The following SLC5A3 variants were observed in gnomAD, a reference collection of about 807,000 sequenced individuals.
SLC5A3 encodes solute carrier family 5 member 3, also known as sodium/myo-inositol cotransporter.
A neutral mutation model predicts 43.2 loss-of-function variants in SLC5A3; 10 were observed. That is an observed-to-expected ratio of 0.23 (90% CI 0.14 to 0.39). The LOEUF (loss-of-function observed/expected upper bound fraction) is 0.39, where lower values mean the gene tolerates loss of function less well. Ranked by LOEUF, SLC5A3 falls within the 10% of genes least tolerant of loss-of-function variation. SLC5A3 has a pLI of 1.00. For synonymous variants in SLC5A3, 349 were observed against 322.0 expected, an observed-to-expected ratio of 1.08 and a Z score of -0.90; for missense variants, 608 against 893.4, an observed-to-expected ratio of 0.68 and a Z score of 4.07.
At position 34,104,902 on chromosome 21, in the gene SLC5A3, G is replaced by T. The variant is rs1056887404; in HGVS notation, c.*7547G>T. 4.0e-6 allele frequency: 4 copies of T among 1,000,058 alleles called. No individual in the cohort carries two copies. Among genetic ancestry groups the T allele is most frequent in the Non-Finnish European group, 4.8e-6 (4 of 829,922 alleles). The allele number at this position is 1,000,058 out of a possible 1,614,324, so 61.9% of individuals were successfully genotyped here. ...TTCTGGAGATTTCTTTGGCAGAAAT[G>T]CCTTTCATCTATAATTTCATGGAGA... On this transcript the variant is annotated 3_prime_UTR_variant, in exon 2 of 2. Transcript: ENST00000381151.
chr21:34,095,763 G>T lies in SLC5A3; in HGVS notation c.565G>T (p.Ala189Ser), dbSNP rs755580854. 1 of 1,613,976 alleles carries T rather than the reference G, an allele frequency of 6.2e-7. No individual in the cohort carries two copies. Among genetic ancestry groups the T allele is most frequent in the Non-Finnish European group, 8.5e-7 (1 of 1,179,980 alleles). ...AGTGATCTACACAGACACTCTGCAG[G>T]CTCTGCTCATGATCATTGGGGCACT... ...VAVIYTDTLQ[A>S]LLMIIGALTL... Residue 189 changes from alanine (A) to serine (S), a missense_variant, in exon 2 of 2, where the codon GCT becomes TCT. Physicochemically the swap from Ala to Ser is moderately conservative, Grantham distance 99. Coordinates refer to ENST00000381151, the MANE Select transcript of SLC5A3 (RefSeq NM_006933.7).
chr21:34,082,829 C>T (rs1200694812), intron 1 of SLC5A3, among the ~76,000 whole-genome samples: 1 of 152,046 alleles, frequency 6.6e-6, no homozygotes, highest in African/African-American at 2.4e-5. Flanking sequence ...CGTTTTGGCC[C>T]AAGGTGTAAT....
chr21:34,091,146 T>A (rs1978662946), intron 1 of SLC5A3, among the ~76,000 whole-genome samples: 1 of 152,192 alleles, frequency 6.6e-6, no homozygotes, highest in Non-Finnish European at 1.5e-5. Flanking sequence ...ATTGACAGAG[T>A]GCTGGACTAG....
At chr21:34,083,007 C>T (rs2148654100) in intron 1 of SLC5A3, among the ~76,000 whole-genome samples, 1 of 152,264 alleles carries the variant, frequency 6.6e-6, no homozygotes, top group South Asian at 2.1e-4. Context: ...TTTATTGGAG[C>T]CCTCAATCCT....
At chr21:34,073,872 C>A (rs1989251726) in intron 1 of SLC5A3, 127 bp downstream of exon 1, 1 of 437,760 alleles carries the variant, frequency 2.3e-6, no homozygotes. Flanking sequence ...GAGGCCGGGG[C>A]GGCGGGCGGG....
At chr21:34,092,107 C>A (rs976576644) in intron 1 of SLC5A3, among the ~76,000 whole-genome samples, 4 of 133,834 alleles carry the variant, frequency 3.0e-5, no homozygotes, top group African/African-American at 7.8e-5. Context: ...ATGTTAACTT[C>A]TTTAAAAGGA....
In SLC5A3 at chr21:34,100,820, G is replaced by A. The variant is rs1187702523; in HGVS notation, c.*3465G>A. ...CCCCTCTGACTTTGAATATCATTTGGTGTGGCCTGTGGGTTATTTTCATTC... is the reference window on the plus strand; with the variant it reads ...CCCCTCTGACTTTGAATATCATTTGATGTGGCCTGTGGGTTATTTTCATTC... On this transcript the variant is annotated 3_prime_UTR_variant, in exon 2 of 2. Transcript: ENST00000381151. The A allele has an allele frequency of 2.0e-6, 2 of 1,000,066 alleles. No homozygotes were observed. The highest frequency in any genetic ancestry group is 3.5e-5 in the African/African-American group (2 of 57,176). The allele number at this position is 1,000,066 out of a possible 1,614,324, so 61.9% of individuals were successfully genotyped here.
Position 34,100,471 on chromosome 21 carries a change from AT to A in SLC5A3, c.*3117del. 2 of 1,000,206 alleles carry A rather than the reference AT, an allele frequency of 2.0e-6. No individual in the cohort carries two copies. The highest frequency in any genetic ancestry group is 2.4e-6 in the Non-Finnish European group (2 of 829,938). The allele number at this position is 1,000,206 out of a possible 1,614,324, so 62.0% of individuals were successfully genotyped here. A position where few individuals can be genotyped will look rare whatever the true frequency, so the allele number is the denominator to read the frequency against. ...ATTAGAGAAGCATCAAGCAATAGCA[AT>A]GGTGCTGTGTCCTTCGGCCTAAATT... On this transcript the variant is annotated 3_prime_UTR_variant, in exon 2 of 2. Coordinates refer to ENST00000381151, the MANE Select transcript of SLC5A3 (RefSeq NM_006933.7).
chr21:34,080,950 A>G (rs1377958837), intron 1 of SLC5A3, among the ~76,000 whole-genome samples: 1 of 152,198 alleles, frequency 6.6e-6, no homozygotes, highest in Non-Finnish European at 1.5e-5. Flanking sequence ...AGACTGTTTT[A>G]TGACAGGTAA....
chr21:34,099,288 C>T lies in SLC5A3; in HGVS notation c.*1933C>T, dbSNP rs567855907. 6 of 1,000,076 alleles carry T rather than the reference C, an allele frequency of 6.0e-6. No individual in the cohort carries two copies. Among genetic ancestry groups the T allele is most frequent in the Non-Finnish European group, 7.2e-6 (6 of 829,980 alleles). The allele number at this position is 1,000,076 out of a possible 1,614,324, so 62.0% of individuals were successfully genotyped here. A position where few individuals can be genotyped will look rare whatever the true frequency, so the allele number is the denominator to read the frequency against. ...TTTGGAAGTTGAGGCTGCGACATGTCCAAGGTTATGAAGTCTCTTTTGGGA... is the reference window on the plus strand; with the variant it reads ...TTTGGAAGTTGAGGCTGCGACATGTTCAAGGTTATGAAGTCTCTTTTGGGA... On this transcript the variant is annotated 3_prime_UTR_variant, in exon 2 of 2. Coordinates refer to ENST00000381151, the MANE Select transcript of SLC5A3 (RefSeq NM_006933.7).
chr21:34,089,548 G>T (rs1978574481), intron 1 of SLC5A3, among the ~76,000 whole-genome samples: 1 of 152,074 alleles, frequency 6.6e-6, no homozygotes, highest in Non-Finnish European at 1.5e-5. Context: ...TATATCTTGG[G>T]CGGAGTGTAT....
At chr21:34,086,008 A>G (rs1296487891) in intron 1 of SLC5A3, among the ~76,000 whole-genome samples, 2 of 152,206 alleles carry the variant, frequency 1.3e-5, no homozygotes, top group East Asian at 1.9e-4. Flanking sequence ...GTGTCTGTCT[A>G]CAGTTCTGGT....
chr21:34,105,415 G>T lies in SLC5A3; in HGVS notation c.*8060G>T. The T allele has an allele frequency of 2.0e-6, 2 of 998,494 alleles. No individual in the cohort carries two copies. The highest frequency in any genetic ancestry group is 4.7e-5 in the South Asian group (1 of 21,256). 61.9% of individuals were successfully genotyped at this position (998,494 alleles called of 1,614,324 possible). On this transcript the variant is annotated 3_prime_UTR_variant, in exon 2 of 2. Transcript: ENST00000381151. ...TTTTCTAATAATATCCTGTGAAATT[G>T]CTTCATTCATTCATTTATTTTTAAG... is the stretch of plus-strand genomic sequence containing the variant.
intron 1 of SLC5A3, among the ~76,000 whole-genome samples, chr21:34,094,215 G>A (rs1346670772): frequency 2.0e-5 from 3 of 152,102 alleles, no homozygotes; most frequent in African/African-American, 7.2e-5. Flanking sequence ...GTGGAATGTC[G>A]TGTTTCCCAT....
At position 34,105,731 on chromosome 21, in the gene SLC5A3, C is replaced by G. The variant is rs1240175469; in HGVS notation, c.*8376C>G. 1.0e-6 allele frequency: 1 copy of G among 997,902 alleles called. No individual in the cohort carries two copies. The highest frequency in any genetic ancestry group is 1.7e-5 in the African/African-American group (1 of 57,304). The allele number at this position is 997,902 out of a possible 1,614,324, so 61.8% of individuals were successfully genotyped here. On this transcript the variant is annotated 3_prime_UTR_variant, in exon 2 of 2. Coordinates refer to ENST00000381151, the MANE Select transcript of SLC5A3 (RefSeq NM_006933.7). ...TGTAAATGGATTTCCAGTTTACCTT[C>G]TGTTGTCTACAGCTTTTTTAATTTT... is the stretch of plus-strand genomic sequence containing the variant.
At chr21:34,086,214 T>G (rs1008489342) in intron 1 of SLC5A3, among the ~76,000 whole-genome samples, 4 of 151,778 alleles carry the variant, frequency 2.6e-5, no homozygotes, top group East Asian at 3.8e-4. Flanking sequence ...ATTCAGGTTT[T>G]GTTTTGTTTT....
rs751642021 is a variant in SLC5A3 at position 34,096,485 on chromosome 21, C to A, written c.1287C>A (p.Ile429=). The A allele has an allele frequency of 4.3e-6, 7 of 1,614,158 alleles. No individual in the cohort carries two copies. The highest frequency in any genetic ancestry group is 5.9e-6 in the Non-Finnish European group (7 of 1,180,024). ...TCAGCATAGCATGGGTGCCAATCAT[C>A]GTGGAGATGCAAGGAGGCCAGATGT... ...VVISIAWVPI[I]VEMQGGQMYL... The change falls in exon 2 of 2, where the codon ATC becomes ATA. Residue 429 remains isoleucine (I), a synonymous_variant. Transcript: ENST00000381151. The surrounding 1 kb of genome is among the most constrained non-coding windows in gnomAD (Gnocchi z 5.9).
intron 1 of SLC5A3, among the ~76,000 whole-genome samples, chr21:34,093,581 AATC>A (rs139030432): frequency 0.021 from 3,256 of 152,268 alleles, 121 homozygotes; most frequent in African/African-American, 0.073. Flanking sequence ...AAATGCCTAG[AATC>A]ATCAGAAAAA....
intron 1 of SLC5A3, among the ~76,000 whole-genome samples, chr21:34,088,263 T>C (rs11701405): frequency 1 from 152,354 of 152,354 alleles, 76,177 homozygotes; most frequent in Non-Finnish European, 1. Context: ...ATTTTTCCCC[T>C]TCTGGTGGAA....
Sources: gnomAD v4.1 joint callset for allele counts (sites outside exome capture counted in the v4.1 genomes callset) on GRCh38, gnomAD v4.1.1 for gene constraint, Gnocchi (gnomAD v3.1) non-coding constraint, MANE v1.5 for transcripts, NCBI Gene and HGNC (gene_info 2026-07-23, HGNC 2026-07-21) for gene names.